Variants in ZC3H3 observed in about 807,000 individuals in gnomAD.
ZC3H3 encodes zinc finger CCCH-type containing 3.
Under a neutral mutation model 77.3 loss-of-function variants are expected in ZC3H3, and 36 were observed. The observed-to-expected ratio is 0.47, with a 90% confidence interval of 0.36 to 0.61. The LOEUF (loss-of-function observed/expected upper bound fraction) is 0.61. Ranked by LOEUF, ZC3H3 falls within the 20% of genes least tolerant of loss-of-function variation. The probability of loss-of-function intolerance (pLI) is 0.00; values close to 1 mark genes in which losing one functional copy is unlikely to be tolerated. For missense variants in ZC3H3, 1,331 were observed against 1,312.2 expected (o/e 1.01, Z -0.22); for synonymous variants, 626 against 555.2 (o/e 1.13, Z -1.79).
intron 3 of ZC3H3, among the ~76,000 whole-genome samples, chr8:143,517,243 GGA>G (rs1163519172): frequency 1.3e-5 from 2 of 152,190 alleles, no homozygotes; most frequent in African/African-American, 4.8e-5. Context: ...TATAGATTAT[GGA>G]GAGTGGGGCT....
At chr8:143,516,642 G>A (rs1428475936) in intron 3 of ZC3H3, among the ~76,000 whole-genome samples, 2 of 151,736 alleles carry the variant, frequency 1.3e-5, no homozygotes, top group Admixed American at 6.6e-5. Flanking sequence ...CCCCGAGACA[G>A]GAGGAGCAGG....
At chr8:143,498,350 G>C (rs778515253) in intron 4 of ZC3H3, among the ~76,000 whole-genome samples, 1 of 152,170 alleles carries the variant, frequency 6.6e-6, no homozygotes, top group South Asian at 2.1e-4. Flanking sequence ...CTTCTGGCTC[G>C]GGGGGAATCA....
intron 4 of ZC3H3, among the ~76,000 whole-genome samples, chr8:143,482,926 A>C (rs995734635): frequency 1.3e-5 from 2 of 152,112 alleles, no homozygotes; most frequent in African/African-American, 4.8e-5. Flanking sequence ...CGGGGACACG[A>C]CCTCAGGGCC....
intron 4 of ZC3H3, among the ~76,000 whole-genome samples, chr8:143,480,279 G>A (rs1022446700): frequency 2.6e-5 from 4 of 152,166 alleles, no homozygotes; most frequent in South Asian, 2.1e-4. Context: ...GCATGCCCAC[G>A]CACAGCCTGC....
At chr8:143,480,249 C>A (rs2129927096) in intron 4 of ZC3H3, among the ~76,000 whole-genome samples, 1 of 152,316 alleles carries the variant, frequency 6.6e-6, no homozygotes, top group African/African-American at 2.4e-5. Flanking sequence ...CCTGGTGCAT[C>A]CCCTGCCGGC....
At chr8:143,524,285 T>C (rs1048581556) in intron 3 of ZC3H3, among the ~76,000 whole-genome samples, 21 of 152,200 alleles carry the variant, frequency 1.4e-4, no homozygotes, top group Non-Finnish European at 2.1e-4. Context: ...CCACAGTTAC[T>C]GAAGCCAAAC....
At chr8:143,445,980 C>G (rs146764572) in intron 9 of ZC3H3, among the ~76,000 whole-genome samples, 1 of 152,290 alleles carries the variant, frequency 6.6e-6, no homozygotes, top group East Asian at 1.9e-4. Context: ...TCAAATAATT[C>G]AGAGCATGGT....
chr8:143,539,234 G>A lies in ZC3H3; in HGVS notation c.133C>T (p.His45Tyr). Residue 45 changes from histidine (H) to tyrosine (Y), a missense_variant, in exon 2 of 12, where the codon CAC becomes TAC. By Grantham distance (83) the His-to-Tyr change is moderately conservative. Around this residue, in one of 3 missense-constraint regions of ZC3H3, gnomAD observed 978 missense variants for 915.5 expected, o/e 1.07. Transcript: ENST00000262577. Reference protein sequence around the residue: ...AASGWQPPTYHSGRAFSARYP... With the variant: ...AASGWQPPTYYSGRAFSARYP... ...CGGGCACTAAAGGCTCTGCCACTGT[G>A]GTAAGTGGGTGGCTGCCACCCAGAA... The A allele has an allele frequency of 1.2e-6, 2 of 1,612,912 alleles. No homozygotes were observed. Among genetic ancestry groups the A allele is most frequent in the Non-Finnish European group, 1.7e-6 (2 of 1,180,028 alleles).
Position 143,468,260 on chromosome 8 carries a change from G to A in ZC3H3, c.2124C>T (p.Cys708=). The A allele has an allele frequency of 1.9e-6, 3 of 1,613,134 alleles. No individual in the cohort carries two copies. Among genetic ancestry groups the A allele is most frequent in the East Asian group, 2.2e-5 (1 of 44,864 alleles). ...AVCTRFVRGT[C]KKTDGTCPFS... is the part of the protein sequence containing the mutation. Reference sequence around the variant, plus strand: ...AGGGGCAGGTCCCATCCGTTTTCTTGCAGGTGCCCCGGACAAACCTGCAGC... The same window carrying A: ...AGGGGCAGGTCCCATCCGTTTTCTTACAGGTGCCCCGGACAAACCTGCAGC... Residue 708 remains cysteine, a synonymous_variant, in exon 8 of 12, where the codon TGC becomes TGT. Transcript: ENST00000262577.
intron 4 of ZC3H3, among the ~76,000 whole-genome samples, chr8:143,491,552 G>A (rs886153920): frequency 2.0e-5 from 3 of 152,264 alleles, no homozygotes; most frequent in Non-Finnish European, 2.9e-5. Flanking sequence ...GACGCAGTGT[G>A]CCACACCCGG....
At chr8:143,529,117 G>A (rs569913180) in intron 3 of ZC3H3, among the ~76,000 whole-genome samples, 1 of 152,204 alleles carries the variant, frequency 6.6e-6, no homozygotes, top group Non-Finnish European at 1.5e-5. Flanking sequence ...GGTGGGGGAC[G>A]GGCCTGGCCA....
intron 3 of ZC3H3, among the ~76,000 whole-genome samples, chr8:143,518,571 C>G (rs1049484181): frequency 4.6e-5 from 7 of 152,264 alleles, no homozygotes; most frequent in Admixed American, 2.0e-4. Flanking sequence ...CCACTCCTGG[C>G]CTTTCCTGTG....
At chr8:143,465,988 G>A (rs950968399) in intron 8 of ZC3H3, 140 bp from the exon 9 acceptor site, 1 of 1,228,318 alleles carries the variant, frequency 8.1e-7, no homozygotes, top group Non-Finnish European at 1.1e-6. Flanking sequence ...CAGCCACCAC[G>A]ACCTGCGGGG....
intron 3 of ZC3H3, 137 bp from the exon 4 acceptor site, chr8:143,508,036 A>C: frequency 1.9e-6 from 2 of 1,044,416 alleles, no homozygotes; most frequent in Non-Finnish European, 2.6e-6. Flanking sequence ...CGTGGATAAA[A>C]CCCTCAACCC....
chr8:143,478,916 G>A (rs999832978), intron 4 of ZC3H3, among the ~76,000 whole-genome samples: 1 of 152,240 alleles, frequency 6.6e-6, no homozygotes, highest in Non-Finnish European at 1.5e-5. Flanking sequence ...GAGGACATTA[G>A]AGGATCTGGG....
chr8:143,449,620 C>T (rs746421961), intron 9 of ZC3H3, among the ~76,000 whole-genome samples: 9 of 152,156 alleles, frequency 5.9e-5, no homozygotes, highest in Non-Finnish European at 1.3e-4. Context: ...TGCCTGTAAC[C>T]CCAGCTACTT....
At chr8:143,520,329 G>T (rs925773244) in intron 3 of ZC3H3, among the ~76,000 whole-genome samples, 3 of 152,256 alleles carry the variant, frequency 2.0e-5, no homozygotes, top group Non-Finnish European at 4.4e-5. Flanking sequence ...TTGGGAGGAA[G>T]TAAGAGCACC....
intron 8 of ZC3H3, among the ~76,000 whole-genome samples, chr8:143,466,415 G>A (rs1269040123): frequency 6.6e-6 from 1 of 152,228 alleles, no homozygotes. Flanking sequence ...GGAGGCCAAG[G>A]CTGTCAGCAG....
intron 9 of ZC3H3, among the ~76,000 whole-genome samples, chr8:143,463,626 C>G (rs1044875234): frequency 9.2e-5 from 14 of 152,308 alleles, no homozygotes; most frequent in Admixed American, 5.9e-4. Flanking sequence ...GAGTCTCCCC[C>G]CAGCAAGACG....
Sources: allele counts gnomAD v4.1 joint callset (sites outside exome capture counted in the v4.1 genomes callset), GRCh38; gene constraint gnomAD v4.1.1; regional missense constraint gnomAD v4.1.1; transcripts MANE v1.5; gene names NCBI Gene and HGNC (gene_info 2026-07-23, HGNC 2026-07-21).